SIPA1L3: variants seen among roughly 807,000 people sequenced by gnomAD.
The protein encoded by SIPA1L3 is signal induced proliferation associated 1 like 3, also known as signal-induced proliferation-associated 1-like protein 3.
A neutral mutation model predicts 150.1 loss-of-function variants in SIPA1L3; 59 were observed. The observed-to-expected ratio is 0.39, with a 90% CI of 0.32 to 0.49. The LOEUF (loss-of-function observed/expected upper bound fraction) is 0.49, where lower values mean the gene tolerates loss of function less well. SIPA1L3 is among the 20% of genes least tolerant of loss of function. The pLI is 0.86. For synonymous variants in SIPA1L3, 1,070 were observed against 1,077.6 expected (o/e 0.99, Z 0.14); for missense variants, 2,211 against 2,489.5 (o/e 0.89, Z 2.38).
chr19:37,946,923 C>T (rs1041291613), intron 1 of SIPA1L3, among the ~76,000 whole-genome samples: 32 of 152,292 alleles, frequency 2.1e-4, no homozygotes, highest in African/African-American at 5.8e-4. Context: ...CAGTGGCTCA[C>T]GCCTATAATC....
intron 2 of SIPA1L3, among the ~76,000 whole-genome samples, chr19:38,048,765 C>T (rs1969117650): frequency 6.6e-6 from 1 of 152,162 alleles, no homozygotes; most frequent in South Asian, 2.1e-4. Flanking sequence ...CAATTTCTGC[C>T]TCCTGCATCA....
In SIPA1L3 at chr19:38,198,483, T is replaced by C. The variant is rs1973016401; in HGVS notation, c.4935T>C (p.Ala1645=). The C allele has an allele frequency of 6.2e-7, 1 of 1,604,250 alleles. No individual in the cohort carries two copies. Among genetic ancestry groups the C allele is most frequent in the Non-Finnish European group, 8.5e-7 (1 of 1,176,194 alleles). Reference sequence around the variant, plus strand: ...GGCTGATGCCCCTGCCTGACACAGCTGCTGGCCTCGAGTGGTCCAGCCTGG... The same window carrying C: ...GGCTGATGCCCCTGCCTGACACAGCCGCTGGCCTCGAGTGGTCCAGCCTGG... ...DPGLMPLPDT[A]AGLEWSSLVN... is the part of the protein sequence containing the mutation. The change falls in exon 19 of 22, where the codon GCT becomes GCC. Residue 1645 remains alanine (A), a synonymous_variant. Transcript: ENST00000222345.
intron 1 of SIPA1L3, among the ~76,000 whole-genome samples, chr19:38,013,016 T>A (rs901573629): frequency 1.3e-5 from 2 of 152,184 alleles, no homozygotes; most frequent in African/African-American, 4.8e-5. Context: ...TCCTTTACCC[T>A]TTCTGAGGGG....
At chr19:38,052,801 G>GT (rs1406430236) in intron 2 of SIPA1L3, among the ~76,000 whole-genome samples, 1 of 152,172 alleles carries the variant, frequency 6.6e-6, no homozygotes, top group Non-Finnish European at 1.5e-5. Flanking sequence ...ATGGTTCCGA[G>GT]TTCCTCCTCT....
intron 10 of SIPA1L3, among the ~76,000 whole-genome samples, chr19:38,131,380 G>A (rs1444742639): frequency 2.0e-5 from 3 of 152,212 alleles, no homozygotes; most frequent in African/African-American, 4.8e-5. Flanking sequence ...TTTCTGGCCA[G>A]CGGGCTCCAG....
intron 1 of SIPA1L3, among the ~76,000 whole-genome samples, chr19:38,002,991 A>G (rs1451793107): frequency 6.6e-6 from 1 of 151,558 alleles, no homozygotes; most frequent in Admixed American, 6.6e-5. Context: ...TAAAAATACA[A>G]AAAAATTAGC....
intron 1 of SIPA1L3, among the ~76,000 whole-genome samples, chr19:38,002,336 GTCTTTAAGGT>G (rs758738256): frequency 3.5e-4 from 53 of 152,222 alleles, no homozygotes; most frequent in Non-Finnish European, 7.1e-4. Context: ...TTAGTATCAT[GTCTTTAAGGT>G]TCATTCATGT....
At chr19:37,935,262 T>C (rs1407499662) in intron 1 of SIPA1L3, among the ~76,000 whole-genome samples, 2 of 152,242 alleles carry the variant, frequency 1.3e-5, no homozygotes, top group Non-Finnish European at 2.9e-5. Context: ...GTACTTATTA[T>C]GAAATAAGAG....
chr19:37,954,241 G>A (rs1365483210), intron 1 of SIPA1L3, among the ~76,000 whole-genome samples: 1 of 151,982 alleles, frequency 6.6e-6, no homozygotes, highest in East Asian at 1.9e-4. Flanking sequence ...AACCTATACT[G>A]CTTTGACATT....
At chr19:38,115,915 C>T (rs1405647255) in intron 8 of SIPA1L3, among the ~76,000 whole-genome samples, 1 of 152,106 alleles carries the variant, frequency 6.6e-6, no homozygotes, top group Non-Finnish European at 1.5e-5. Context: ...TGCCTAAGAG[C>T]GTGGAGTCCA....
intron 2 of SIPA1L3, among the ~76,000 whole-genome samples, chr19:38,074,176 G>A (rs1187305559): frequency 1.3e-5 from 2 of 152,148 alleles, no homozygotes; most frequent in Non-Finnish European, 2.9e-5. Context: ...CAGAGGCTGC[G>A]GGTGCCACTC....
At chr19:38,034,663 C>T (rs1014668721) in intron 2 of SIPA1L3, among the ~76,000 whole-genome samples, 2 of 152,130 alleles carry the variant, frequency 1.3e-5, no homozygotes, top group African/African-American at 4.8e-5. Context: ...GAATCACATC[C>T]GCCCCTGTGT....
intron 1 of SIPA1L3, among the ~76,000 whole-genome samples, chr19:37,933,407 CTT>C (rs2046573175): frequency 6.6e-6 from 1 of 152,130 alleles, no homozygotes; most frequent in Non-Finnish European, 1.5e-5. Context: ...CGCCCTTACT[CTT>C]TGCTTTATTT....
intron 1 of SIPA1L3, among the ~76,000 whole-genome samples, chr19:37,949,136 G>T (rs972661362): frequency 6.6e-6 from 1 of 152,198 alleles, no homozygotes; most frequent in Non-Finnish European, 1.5e-5. Flanking sequence ...CATCAGGATC[G>T]ATAGGCCTGA....
intron 1 of SIPA1L3, among the ~76,000 whole-genome samples, chr19:37,941,977 G>A (rs1327121564): frequency 6.6e-6 from 1 of 152,282 alleles, no homozygotes; most frequent in Admixed American, 6.5e-5. Flanking sequence ...GATGCTTTGG[G>A]ATCAGTTATT....
intron 2 of SIPA1L3, among the ~76,000 whole-genome samples, chr19:38,032,167 A>C (rs1374481940): frequency 6.6e-6 from 1 of 152,166 alleles, no homozygotes; most frequent in Non-Finnish European, 1.5e-5. Flanking sequence ...TTCTGTAAGG[A>C]AGACCTGTCC....
chr19:38,187,385 G>A (rs1329024701), intron 16 of SIPA1L3, among the ~76,000 whole-genome samples: 1 of 151,854 alleles, frequency 6.6e-6, no homozygotes, highest in Non-Finnish European at 1.5e-5. Context: ...CTGGGAGGCA[G>A]AGGTTGCAGT....
At chr19:37,919,895 A>T (rs1169767098) in intron 1 of SIPA1L3, among the ~76,000 whole-genome samples, 2 of 151,406 alleles carry the variant, frequency 1.3e-5, no homozygotes, top group African/African-American at 4.9e-5. Context: ...TTTTTAGTAG[A>T]GATGGGGATT....
intron 2 of SIPA1L3, among the ~76,000 whole-genome samples, chr19:38,078,253 A>G (rs964762231): frequency 1.3e-5 from 2 of 152,120 alleles, no homozygotes; most frequent in Non-Finnish European, 2.9e-5. Context: ...GGCACCAGGA[A>G]GAGGGGCTCC....
Sources: allele counts gnomAD v4.1 joint callset (sites outside exome capture counted in the v4.1 genomes callset), GRCh38; gene constraint gnomAD v4.1.1; transcripts MANE v1.5; gene names NCBI Gene and HGNC (gene_info 2026-07-23, HGNC 2026-07-21).